GRM1: variants seen among roughly 807,000 people sequenced by gnomAD.
GRM1 encodes the protein glutamate metabotropic receptor 1, also known as metabotropic glutamate receptor 1.
In GRM1, 33 loss-of-function variants were observed where a neutral mutation model predicts 90.9. The observed-to-expected ratio is 0.36, with a 90% CI of 0.28 to 0.49. The LOEUF is 0.49. GRM1 is among the 20% of genes least tolerant of loss of function. GRM1 has a pLI of 0.99. For missense variants in GRM1, 1,190 were observed against 1,534.3 expected, an observed-to-expected ratio of 0.78 and a Z score of 3.75; for synonymous variants, 700 against 613.2, an observed-to-expected ratio of 1.14 and a Z score of -2.09.
chr6:146,088,656 A>T (rs1024860090), intron 1 of GRM1, among the ~76,000 whole-genome samples: 1 of 152,120 alleles, frequency 6.6e-6, no homozygotes, highest in Non-Finnish European at 1.5e-5. Flanking sequence ...AAACACCATG[A>T]TCTAAAAATT....
At chr6:146,302,288 G>C (rs1783416174) in intron 2 of GRM1, among the ~76,000 whole-genome samples, 1 of 149,518 alleles carries the variant, frequency 6.7e-6, no homozygotes, top group Non-Finnish European at 1.5e-5. Flanking sequence ...ACACAGGCGT[G>C]CGTGCACACA....
At chr6:146,168,839 C>G (rs1778003408) in intron 2 of GRM1, among the ~76,000 whole-genome samples, 1 of 151,994 alleles carries the variant, frequency 6.6e-6, no homozygotes, top group South Asian at 2.1e-4. Context: ...ACCTTTGTTT[C>G]TCTAATATGT....
chr6:146,053,846 A>G (rs1172285630), intron 1 of GRM1, among the ~76,000 whole-genome samples: 1 of 152,030 alleles, frequency 6.6e-6, no homozygotes, highest in Non-Finnish European at 1.5e-5. Flanking sequence ...TTAGTATATG[A>G]ATGTGCCTCA....
At chr6:146,429,850 C>T (rs573753404) in intron 7 of GRM1, among the ~76,000 whole-genome samples, 9 of 152,154 alleles carry the variant, frequency 5.9e-5, no homozygotes, top group African/African-American at 1.9e-4. Context: ...CTCTTTCTTA[C>T]GCGAAGGTCT....
chr6:146,184,833 G>A (rs1273338799), intron 2 of GRM1, among the ~76,000 whole-genome samples: 3 of 152,160 alleles, frequency 2.0e-5, no homozygotes, highest in Non-Finnish European at 4.4e-5. Context: ...ATAGAGACAG[G>A]AAAGGAATGT....
At chr6:146,361,735 A>C (rs1338354490) in intron 5 of GRM1, among the ~76,000 whole-genome samples, 1 of 152,220 alleles carries the variant, frequency 6.6e-6, no homozygotes, top group African/African-American at 2.4e-5. Flanking sequence ...AAGCTCTCTC[A>C]GCTAGAAAGT....
intron 1 of GRM1, among the ~76,000 whole-genome samples, chr6:146,145,657 G>A (rs1330557864): frequency 6.6e-6 from 1 of 152,214 alleles, no homozygotes; most frequent in Non-Finnish European, 1.5e-5. Flanking sequence ...TCATGGAAAG[G>A]CAGGAGTTAA....
intron 3 of GRM1, among the ~76,000 whole-genome samples, chr6:146,337,353 A>T (rs1039051158): frequency 2.0e-5 from 3 of 152,208 alleles, no homozygotes; most frequent in East Asian, 1.9e-4. Context: ...TTAATTTTTT[A>T]AAAAATTGGA....
chr6:146,341,391 C>G (rs1343368609), intron 3 of GRM1, among the ~76,000 whole-genome samples: 1 of 152,072 alleles, frequency 6.6e-6, no homozygotes, highest in African/African-American at 2.4e-5. Context: ...ATTCCAAGCT[C>G]TAGTTGAAGA....
rs193292006 is a variant in GRM1 at position 146,208,219 on chromosome 6, C to T, written c.950+48622C>T. On this transcript the variant is annotated intron_variant, in intron 2 of 7. Transcript: ENST00000282753. ...TGACATAGGTCACCTCTCTGTCAGGCGACTTCATGATCCTTGTTGGTAACC... is the reference window on the plus strand; with the variant it reads ...TGACATAGGTCACCTCTCTGTCAGGTGACTTCATGATCCTTGTTGGTAACC... Among the ~76,000 whole-genome samples the T allele has an allele frequency of 2.0e-5, 3 of 152,248 alleles. No individual in the cohort carries two copies. The East Asian group carries it at 5.8e-4, about 29-fold the overall frequency.
rs6927890 is a variant in GRM1 at position 146,176,263 on chromosome 6, A to G, written c.950+16666A>G. 9.9e-3 allele frequency among the ~76,000 whole-genome samples: 1,510 copies of G among 152,196 alleles called. 22 individuals carry two copies. Among genetic ancestry groups the G allele is most frequent in the African/African-American group, 0.034 (1,430 of 41,556 alleles). On this transcript the variant is annotated intron_variant, in intron 2 of 7. Coordinates refer to ENST00000282753, the MANE Select transcript of GRM1 (RefSeq NM_001278064.2). ...AAGGATCCTTTAACTGGCAATAGTCAAGCAGAGGTTTTGAAACACCTATTA... is the reference window on the plus strand; with the variant it reads ...AAGGATCCTTTAACTGGCAATAGTCGAGCAGAGGTTTTGAAACACCTATTA...
intron 1 of GRM1, among the ~76,000 whole-genome samples, chr6:146,058,221 T>C (rs1320611316): frequency 1.3e-5 from 2 of 152,064 alleles, no homozygotes; most frequent in African/African-American, 4.8e-5. Context: ...TCAGTATTCA[T>C]GATTTAGAGT....
intron 3 of GRM1, among the ~76,000 whole-genome samples, chr6:146,318,644 TC>T (rs1320232063): frequency 1.3e-5 from 2 of 152,312 alleles, no homozygotes; most frequent in East Asian, 3.9e-4. Context: ...TTCCTATTTC[TC>T]CACATCCTCT....
chr6:146,193,319 G>A (rs2179508), intron 2 of GRM1, among the ~76,000 whole-genome samples: 1,685 of 152,196 alleles, frequency 0.011, 19 homozygotes, highest in Admixed American at 0.018. Flanking sequence ...GGTTGTGAGT[G>A]GAATTTAGAG....
intron 2 of GRM1, among the ~76,000 whole-genome samples, chr6:146,189,577 C>G (rs975983144): frequency 6.6e-6 from 1 of 152,114 alleles, no homozygotes; most frequent in Non-Finnish European, 1.5e-5. Context: ...TGTTAGAGGT[C>G]TTTATATATC....
intron 5 of GRM1, among the ~76,000 whole-genome samples, chr6:146,359,134 T>C (rs362899): frequency 0.023 from 3,541 of 152,218 alleles, 129 homozygotes; most frequent in African/African-American, 0.08. Context: ...AGTATTTCAG[T>C]AGTCTAAGAA....
intron 1 of GRM1, among the ~76,000 whole-genome samples, chr6:146,038,638 C>A (rs1790980384): frequency 6.6e-6 from 1 of 151,904 alleles, no homozygotes; most frequent in South Asian, 2.1e-4. Context: ...GGCGCATATT[C>A]AACTTCTCAT....
intron 7 of GRM1, among the ~76,000 whole-genome samples, chr6:146,413,842 A>G (rs1236909742): frequency 6.6e-6 from 1 of 152,206 alleles, no homozygotes; most frequent in African/African-American, 2.4e-5. Context: ...TTATGTCTCT[A>G]TTCTTTCACA....
At chr6:146,319,422 T>A (rs1784090734) in intron 3 of GRM1, among the ~76,000 whole-genome samples, 1 of 152,182 alleles carries the variant, frequency 6.6e-6, no homozygotes, top group Non-Finnish European at 1.5e-5. Context: ...GCTTTGTTCT[T>A]TTTGGTTAGG....
Sources: allele counts gnomAD v4.1 joint callset (sites outside exome capture counted in the v4.1 genomes callset), GRCh38; gene constraint gnomAD v4.1.1; transcripts MANE v1.5; gene names NCBI Gene and HGNC (gene_info 2026-07-23, HGNC 2026-07-21).